The following DPF3 variants were observed in gnomAD, a reference collection of about 807,000 sequenced individuals.
DPF3 encodes the protein double PHD fingers 3.
Under a neutral mutation model 56.8 loss-of-function variants are expected in DPF3, and 18 were observed. That is an observed-to-expected ratio of 0.32 (90% confidence interval 0.22 to 0.47). The LOEUF (loss-of-function observed/expected upper bound fraction) is 0.47, where lower values mean the gene tolerates loss of function less well. Ranked by LOEUF, DPF3 falls within the 20% of genes least tolerant of loss-of-function variation. The probability of loss-of-function intolerance (pLI) is 1.00; values close to 1 mark genes in which losing one functional copy is unlikely to be tolerated. For missense variants in DPF3, 403 were observed against 488.8 expected (o/e 0.82, Z 1.65); for synonymous variants, 188 against 180.2 (o/e 1.04, Z -0.35).
intron 1 of DPF3, among the ~76,000 whole-genome samples, chr14:72,772,991 C>T (rs1891599471): frequency 1.3e-5 from 2 of 151,938 alleles, no homozygotes; most frequent in Non-Finnish European, 2.9e-5. Flanking sequence ...TATTCTGAAG[C>T]AACATTATGA....
Position 72,619,991 on chromosome 14 carries a change from G to A in DPF3, c.985-7C>T. On this transcript the variant is annotated splice_region_variant and splice_polypyrimidine_tract_variant and intron_variant, in intron 9 of 10. Coordinates refer to ENST00000556509, the MANE Select transcript of DPF3 (RefSeq NM_001280542.3). ...CGCAGAAGAGTAGCTGGTCCTGGTG[G>A]AACACAGAGTAAGCACAGAGGAGGA... 1 of 1,533,062 alleles carries A rather than the reference G, an allele frequency of 6.5e-7. No individual in the cohort carries two copies. Among genetic ancestry groups the A allele is most frequent in the Non-Finnish European group, 8.7e-7 (1 of 1,145,182 alleles). The allele number at this position is 1,533,062 out of a possible 1,614,324, so 95.0% of individuals were successfully genotyped here. A position where few individuals can be genotyped will look rare whatever the true frequency, so the allele number is the denominator to read the frequency against.
chr14:72,859,969 A>C (rs1243284661), intron 1 of DPF3, among the ~76,000 whole-genome samples: 1 of 14,518 alleles, frequency 6.9e-5, no homozygotes, highest in Non-Finnish European at 1.3e-4. Flanking sequence ...TTAACTGACA[A>C]AAAAAAAAAA....
chr14:72,882,603 C>T (rs1886363447), intron 1 of DPF3, among the ~76,000 whole-genome samples: 1 of 152,208 alleles, frequency 6.6e-6, no homozygotes, highest in Non-Finnish European at 1.5e-5. Flanking sequence ...AAGCAGCCGC[C>T]TGTTAATTTT....
intron 1 of DPF3, among the ~76,000 whole-genome samples, chr14:72,804,180 G>GACACACACACACAC (rs545355128): frequency 2.1e-4 from 28 of 133,262 alleles, no homozygotes; most frequent in African/African-American, 7.0e-4. Context: ...TGCTTTCCAG[G>GACACACACACACAC]ACACACACAC....
rs75296694 is a variant in DPF3 at position 72,786,943 on chromosome 14, C to T, written c.33-15050G>A. ...TGGGCGAAAGGACACATCCTAGAGG[C>T]GCACAGCCCTAATTTCCTCCTGTTG... On this transcript the variant is annotated intron_variant, in intron 1 of 10. Transcript: ENST00000556509. Among the ~76,000 whole-genome samples the T allele has an allele frequency of 9.0e-3, 1,374 of 152,362 alleles. 15 individuals are homozygous for T. Among genetic ancestry groups the T allele is most frequent in the South Asian group, 0.024 (115 of 4,832 alleles).
chr14:72,837,667 G>A (rs574229166), intron 1 of DPF3, among the ~76,000 whole-genome samples: 1 of 152,234 alleles, frequency 6.6e-6, no homozygotes, highest in African/African-American at 2.4e-5. Flanking sequence ...GAACCTGGGA[G>A]GCAGAGGTTG....
intron 1 of DPF3, among the ~76,000 whole-genome samples, chr14:72,885,136 A>C (rs187949604): frequency 1.4e-5 from 2 of 146,074 alleles, no homozygotes; most frequent in East Asian, 2.1e-4. Flanking sequence ...AAAAAAAAAA[A>C]ACAGGAAGGG....
intron 8 of DPF3, among the ~76,000 whole-genome samples, chr14:72,668,109 C>T (rs1196565609): frequency 6.6e-6 from 1 of 152,118 alleles, no homozygotes; most frequent in Non-Finnish European, 1.5e-5. Context: ...TAGATGACTG[C>T]TATCTAGAAA....
chr14:72,702,345 G>A (rs1888205957), intron 6 of DPF3, among the ~76,000 whole-genome samples: 1 of 152,032 alleles, frequency 6.6e-6, no homozygotes. Flanking sequence ...GCTGTATAGG[G>A]GCCCACCTCC....
intron 7 of DPF3, 96 bp downstream of exon 7, chr14:72,692,980 C>T: frequency 6.4e-7 from 1 of 1,563,512 alleles, no homozygotes; most frequent in Non-Finnish European, 8.7e-7. Context: ...CGGTTGCTAC[C>T]AGAAGATGCC....
At chr14:72,840,223 C>G (rs1187603742) in intron 1 of DPF3, among the ~76,000 whole-genome samples, 1 of 152,160 alleles carries the variant, frequency 6.6e-6, no homozygotes, top group East Asian at 1.9e-4. Context: ...AGCCTGCAGC[C>G]GTGGAACCAA....
intron 1 of DPF3, among the ~76,000 whole-genome samples, chr14:72,780,518 A>G (rs953339458): frequency 3.9e-5 from 6 of 152,246 alleles, no homozygotes; most frequent in Non-Finnish European, 8.8e-5. Flanking sequence ...AACTAATGAA[A>G]GCTTCACAGT....
chr14:72,687,809 G>A (rs1228926302), intron 7 of DPF3, among the ~76,000 whole-genome samples: 5 of 152,118 alleles, frequency 3.3e-5, no homozygotes, highest in Admixed American at 6.5e-5. Flanking sequence ...GCCCTGGAGA[G>A]CTTTGTAAGA....
intron 8 of DPF3, among the ~76,000 whole-genome samples, chr14:72,649,826 A>C (rs1298709470): frequency 6.6e-6 from 1 of 152,234 alleles, no homozygotes; most frequent in Non-Finnish European, 1.5e-5. Flanking sequence ...CAGAACAGCT[A>C]AGTAATTTAC....
At position 72,832,126 on chromosome 14, in the gene DPF3, A is replaced by T. The variant is rs1412036191; in HGVS notation, c.33-60233T>A. ...CAGCTACTCAGTAGGCTGAAGCAGG[A>T]GGATCGCTTGAGCCCAGGAGTTCGA... On this transcript the variant is annotated intron_variant, in intron 1 of 10. Transcript: ENST00000556509. 5.9e-5 allele frequency among the ~76,000 whole-genome samples: 9 copies of T among 152,304 alleles called. No individual in the cohort carries two copies. In the East Asian group the frequency reaches 1.7e-3, roughly 29 times the overall value.
Position 72,619,174 on chromosome 14 carries a change from T to C in DPF3, c.*123A>G. On this transcript the variant is annotated 3_prime_UTR_variant, in exon 11 of 11. Transcript: ENST00000556509. The stretch of plus-strand genomic sequence containing the variant: ...TTCGTTCCATGTGTCCCTGCCCCTC[T>C]GGGACTATTTCTTTTCCTTGCAGTT... 1.0e-6 allele frequency: 1 copy of C among 972,940 alleles called. No individual in the cohort carries two copies. Among genetic ancestry groups the C allele is most frequent in the Non-Finnish European group, 1.5e-6 (1 of 666,076 alleles). 60.3% of individuals were successfully genotyped at this position (972,940 alleles called of 1,614,324 possible). A position where few individuals can be genotyped will look rare whatever the true frequency, so the allele number is the denominator to read the frequency against.
Position 72,693,159 on chromosome 14 carries a change from G to A in DPF3, c.659C>T (p.Thr220Ile). Residue 220 changes from threonine to isoleucine, a missense_variant, in exon 7 of 11, where the codon ACT becomes ATT. Physicochemically the swap from Thr to Ile is moderately conservative, Grantham distance 89. Transcript: ENST00000556509. ...RPGLSYHYAH[T>I]HLASEEGDEA... ...ATCCCCCTCCTCGCTGGCCAGGTGA[G>A]TGTGAGCATAGTGGTAGCTGAGCCC... 2 of 1,614,028 alleles carry A rather than the reference G, an allele frequency of 1.2e-6. No homozygotes were observed. Among genetic ancestry groups the A allele is most frequent in the Non-Finnish European group, 1.7e-6 (2 of 1,179,892 alleles).
intron 1 of DPF3, among the ~76,000 whole-genome samples, chr14:72,827,834 C>T (rs571155124): frequency 6.6e-6 from 1 of 152,024 alleles, no homozygotes; most frequent in African/African-American, 2.4e-5. Context: ...TGCCTGTACT[C>T]CGAGCATCTC....
chr14:72,676,521 C>T (rs891381830), intron 7 of DPF3, among the ~76,000 whole-genome samples: 6 of 152,084 alleles, frequency 3.9e-5, no homozygotes, highest in Non-Finnish European at 7.4e-5. Flanking sequence ...TGGCTGTGCC[C>T]CCACCCAAAT....
Sources: gnomAD v4.1 joint callset for allele counts (sites outside exome capture counted in the v4.1 genomes callset) on GRCh38, gnomAD v4.1.1 for gene constraint, MANE v1.5 for transcripts, NCBI Gene and HGNC (gene_info 2026-07-23, HGNC 2026-07-21) for gene names.